Variants in SEMA3A observed in about 807,000 individuals in gnomAD.
SEMA3A encodes semaphorin-3A.
SEMA3A carries 29 observed loss-of-function variants against 97.9 expected under a neutral mutation model. The observed-to-expected ratio is 0.30, with a 90% CI of 0.22 to 0.40. The LOEUF (loss-of-function observed/expected upper bound fraction) is 0.40, where lower values mean the gene tolerates loss of function less well. Ranked by LOEUF, SEMA3A falls within the 10% of genes least tolerant of loss-of-function variation. The pLI, the probability that SEMA3A is intolerant of heterozygous loss-of-function variation, is 1.00. For missense variants in SEMA3A, 763 were observed against 951.3 expected (o/e 0.80, Z 2.60); for synonymous variants, 321 against 323.7 (o/e 0.99, Z 0.09).
rs571581804 is a variant in SEMA3A, at chr7:84,313,765, A to G, written c.-168-6473T>C. ...ATAGGAAGAGTAAAATTGTACTTCT[A>G]TAAGCCCTCTCACGTAAGCTATTTG... is the stretch of plus-strand genomic sequence containing the variant. On this transcript the variant is annotated intron_variant, in intron 2 of 3. Transcript: ENST00000424555. Among the ~76,000 whole-genome samples, 20 of 152,094 alleles carry G rather than the reference A, an allele frequency of 1.3e-4. No homozygotes were observed. The South Asian group carries it at 3.9e-3, about 30-fold the overall frequency.
chr7:83,999,686 C>A (rs1216718970), intron 12 of SEMA3A, among the ~76,000 whole-genome samples: 1 of 151,842 alleles, frequency 6.6e-6, no homozygotes, highest in African/African-American at 2.4e-5. Flanking sequence ...GTTAATGAAC[C>A]CTGTTTTAAA....
intron 5 of SEMA3A, 51 bp downstream of exon 5, chr7:84,060,414 T>C: frequency 8.6e-7 from 1 of 1,160,216 alleles, no homozygotes; most frequent in Admixed American, 2.5e-5. Context: ...ACATACAACC[T>C]GTTTGTTATT....
intron 3 of SEMA3A, among the ~76,000 whole-genome samples, chr7:84,225,865 C>T (rs1798978179): frequency 6.6e-6 from 1 of 152,062 alleles, no homozygotes; most frequent in Non-Finnish European, 1.5e-5. Context: ...GTCTACTTTA[C>T]AAGCAGTTGC....
At chr7:84,196,716 A>C (rs1798241021), upstream of SEMA3A, among the ~76,000 whole-genome samples, 1 of 152,164 alleles carries the variant, frequency 6.6e-6, no homozygotes, top group African/African-American at 2.4e-5. Flanking sequence ...CTCTCTATAG[A>C]CATTCATTCT....
intron 2 of SEMA3A, among the ~76,000 whole-genome samples, chr7:84,350,006 C>A (rs1279393704): frequency 1.3e-5 from 2 of 152,110 alleles, no homozygotes; most frequent in African/African-American, 4.8e-5. Context: ...AACATCCTCT[C>A]TGCCCCAAAT....
chr7:84,088,758 AG>A (rs1165615677), intron 4 of SEMA3A, among the ~76,000 whole-genome samples: 2 of 152,160 alleles, frequency 1.3e-5, no homozygotes, highest in African/African-American at 4.8e-5. Context: ...TAAAACTACA[AG>A]AATATGAAAT....
Position 84,188,915 on chromosome 7 carries a change from A to G in SEMA3A, c.112+5560T>C, listed in dbSNP as rs761294663. 5.3e-5 allele frequency among the ~76,000 whole-genome samples: 8 copies of G among 151,984 alleles called. No individual in the cohort carries two copies. The East Asian group carries it at 1.4e-3, about 26-fold the overall frequency. ...TGTTTTGTGAATGTTAAATTTCATG[A>G]CTATTATGCCAATTTTTCCAAACTT... On this transcript the variant is annotated intron_variant, in intron 1 of 16. Coordinates refer to ENST00000265362, the MANE Select transcript of SEMA3A (RefSeq NM_006080.3).
At chr7:84,194,860 G>GAA (rs778454027), upstream of SEMA3A, 22 of 178,292 alleles carry the variant, frequency 1.2e-4, no homozygotes, top group Non-Finnish European at 1.7e-4. Flanking sequence ...TGTGTGGAAA[G>GAA]AAAAAAAAAA....
chr7:84,286,255 C>T (rs540041779), intron 3 of SEMA3A, among the ~76,000 whole-genome samples: 27 of 152,138 alleles, frequency 1.8e-4, no homozygotes, highest in African/African-American at 5.8e-4. Context: ...GATATTCATC[C>T]AAACTAAATT....
chr7:84,419,980 T>G (rs910247890), intron 1 of SEMA3A, among the ~76,000 whole-genome samples: 3 of 152,142 alleles, frequency 2.0e-5, no homozygotes, highest in African/African-American at 7.2e-5. Flanking sequence ...CTAAAGGAAC[T>G]GACAGTTAAA....
intron 12 of SEMA3A, among the ~76,000 whole-genome samples, chr7:83,997,724 A>G (rs1790275302): frequency 6.6e-6 from 1 of 152,052 alleles, no homozygotes; most frequent in African/African-American, 2.4e-5. Flanking sequence ...TAATTGTTAC[A>G]GATTGATAAT....
At chr7:84,215,520 C>A (rs887672066) in intron 3 of SEMA3A, among the ~76,000 whole-genome samples, 1 of 152,182 alleles carries the variant, frequency 6.6e-6, no homozygotes, top group Non-Finnish European at 1.5e-5. Context: ...TAAGACTGTG[C>A]TCTCCCTGAC....
chr7:84,395,895 G>T (rs550886480), intron 1 of SEMA3A, among the ~76,000 whole-genome samples: 32 of 152,190 alleles, frequency 2.1e-4, no homozygotes, highest in African/African-American at 7.2e-4. Flanking sequence ...CAAGGATCAA[G>T]AAAGGTAAAA....
intron 1 of SEMA3A, among the ~76,000 whole-genome samples, chr7:84,449,380 A>G (rs1805503789): frequency 1.3e-5 from 2 of 152,200 alleles, no homozygotes; most frequent in South Asian, 4.1e-4. Context: ...ATGAAAACTG[A>G]CAAACATAGA....
At chr7:84,299,857 T>C (rs200012818) in intron 3 of SEMA3A, among the ~76,000 whole-genome samples, 1 of 148,306 alleles carries the variant, frequency 6.7e-6, no homozygotes, top group Non-Finnish European at 1.5e-5. Flanking sequence ...TGGTGAAACC[T>C]CGTCTCTACT....
chr7:84,165,020 C>A (rs1266426454), intron 1 of SEMA3A, among the ~76,000 whole-genome samples: 3 of 152,048 alleles, frequency 2.0e-5, no homozygotes, highest in Non-Finnish European at 2.9e-5. Flanking sequence ...CAATCCTGAG[C>A]AACATGGCGA....
rs541909866 is a variant in SEMA3A at position 84,269,733 on chromosome 7, C to G, written c.-83+37474G>C. ...TGCAAAAGCAACTCTCCACTTAGAG[C>G]TTCATTTTCTAAATAATGTTGGTTG... On this transcript the variant is annotated intron_variant, in intron 3 of 3. Coordinates refer to the SEMA3A transcript ENST00000424555. 9.9e-5 allele frequency among the ~76,000 whole-genome samples: 15 copies of G among 152,170 alleles called. No individual in the cohort carries two copies. In the South Asian group the frequency reaches 2.7e-3, roughly 27 times the overall value.
At chr7:83,995,441 A>T (rs150920137) in intron 12 of SEMA3A, among the ~76,000 whole-genome samples, 3 of 152,350 alleles carry the variant, frequency 2.0e-5, no homozygotes, top group African/African-American at 4.8e-5. Flanking sequence ...TATTCTTAAG[A>T]TCCTAGAATC....
chr7:84,181,241 T>C (rs1312445247), intron 1 of SEMA3A, among the ~76,000 whole-genome samples: 3 of 151,226 alleles, frequency 2.0e-5, no homozygotes, highest in Non-Finnish European at 4.4e-5. Flanking sequence ...TATTTTATCA[T>C]TTATTTTTAT....
Sources: gnomAD v4.1 joint callset for allele counts (sites outside exome capture counted in the v4.1 genomes callset) on GRCh38, gnomAD v4.1.1 for gene constraint, MANE v1.5 for transcripts, NCBI Gene and HGNC (gene_info 2026-07-23, HGNC 2026-07-21) for gene names.